Variants in MED28 observed in about 807,000 individuals in gnomAD.
The protein encoded by MED28 is mediator complex subunit 28.
A neutral mutation model predicts 21.3 loss-of-function variants in MED28; 26 were observed. The ratio of observed to expected loss-of-function variants is 1.22; its 90% CI spans 0.89 to 1.69. The LOEUF (loss-of-function observed/expected upper bound fraction) is 1.69, where lower values mean the gene tolerates loss of function less well. Among genes scored for constraint, MED28 ranks in the 40% most tolerant of loss-of-function variants. The pLI is 0.00. For synonymous variants in MED28, 110 were observed against 87.6 expected, an observed-to-expected ratio of 1.26 and a Z score of -1.43; for missense variants, 257 against 215.4, an observed-to-expected ratio of 1.19 and a Z score of -1.21.
In MED28 at chr4:17,623,811, G is replaced by T; in HGVS notation, c.*13G>T. 1 of 1,609,890 alleles carries T rather than the reference G, an allele frequency of 6.2e-7. No individual in the cohort carries two copies. The highest frequency in any genetic ancestry group is 8.5e-7 in the Non-Finnish European group (1 of 1,177,758). ...GAAGCCAACGTGAGCAAAGGGCAGAGGCAGTTGGCCTATGAGTGGGCTGAT... is the reference window on the plus strand; with the variant it reads ...GAAGCCAACGTGAGCAAAGGGCAGATGCAGTTGGCCTATGAGTGGGCTGAT... On this transcript the variant is annotated 3_prime_UTR_variant, in exon 4 of 4. Transcript: ENST00000237380.
In MED28 at chr4:17,632,753, C is replaced by G. The variant is rs1714996040; in HGVS notation, c.*8955C>G. On this transcript the variant is annotated 3_prime_UTR_variant, in exon 4 of 4. Transcript: ENST00000237380. Reference sequence around the variant, plus strand: ...TCAAAAACACCCAAATGGGACTGGCCAACATTAGTAGTGGGAAACAAATTG... The same window carrying G: ...TCAAAAACACCCAAATGGGACTGGCGAACATTAGTAGTGGGAAACAAATTG... The G allele has an allele frequency of 1.6e-6, 1 of 622,254 alleles. No individual in the cohort carries two copies. The highest frequency in any genetic ancestry group is 1.9e-5 in the South Asian group (1 of 51,768). 38.5% of individuals were successfully genotyped at this position (622,254 alleles called of 1,614,324 possible).
rs1266542706 is a variant in MED28, at chr4:17,628,779, C to A, written c.*4981C>A. 1 of 152,200 alleles carries A rather than the reference C, an allele frequency of 6.6e-6. No homozygotes were observed. 9.4% of individuals were successfully genotyped at this position (152,200 alleles called of 1,614,324 possible). ...AACTGGTAGCAAAACCCATCTGGAG[C>A]AGCGTGTGAGGTATGGACACTCACT... On this transcript the variant is annotated 3_prime_UTR_variant, in exon 4 of 4. Coordinates refer to ENST00000237380, the MANE Select transcript of MED28 (RefSeq NM_025205.5).
rs1410845932 is a variant in MED28, at chr4:17,627,590, T to C, written c.*3792T>C. On this transcript the variant is annotated 3_prime_UTR_variant, in exon 4 of 4. Transcript: ENST00000237380. ...AGTTCAATTACAAAAGCTCCTGGCA[T>C]TGGGGACCTGCCGCCATGTTCCTGC... is the stretch of plus-strand genomic sequence containing the variant. The C allele has an allele frequency of 6.6e-6, 1 of 152,258 alleles. No homozygotes were observed. The highest frequency in any genetic ancestry group is 2.4e-5 in the African/African-American group (1 of 41,444). 9.4% of individuals were successfully genotyped at this position (152,258 alleles called of 1,614,324 possible).
At chr4:17,618,788 G>A (rs1381309026) in intron 1 of MED28, among the ~76,000 whole-genome samples, 3 of 152,074 alleles carry the variant, frequency 2.0e-5, no homozygotes, top group African/African-American at 4.8e-5. Context: ...ATCTGCCTGC[G>A]TGGGCCTCCC....
chr4:17,617,372 G>A (rs1714483324), intron 1 of MED28, among the ~76,000 whole-genome samples: 1 of 152,174 alleles, frequency 6.6e-6, no homozygotes, highest in African/African-American at 2.4e-5. Context: ...GTCTCTGTCT[G>A]CTCATTCTAG....
In MED28 at chr4:17,632,388, T is replaced by A; in HGVS notation, c.*8590T>A. Reference sequence around the variant, plus strand: ...CTGTGCCTGGCAGAACAGTATGAAGTGTTAACGCCAAAATTTGTTTTAGCT... The same window carrying A: ...CTGTGCCTGGCAGAACAGTATGAAGAGTTAACGCCAAAATTTGTTTTAGCT... On this transcript the variant is annotated 3_prime_UTR_variant, in exon 4 of 4. Coordinates refer to ENST00000237380, the MANE Select transcript of MED28 (RefSeq NM_025205.5). The A allele has an allele frequency of 1.6e-6, 1 of 619,134 alleles. No individual in the cohort carries two copies. The highest frequency in any genetic ancestry group is 2.7e-6 in the Non-Finnish European group (1 of 364,332). The allele number at this position is 619,134 out of a possible 1,614,324, so 38.4% of individuals were successfully genotyped here. A position where few individuals can be genotyped will look rare whatever the true frequency, so the allele number is the denominator to read the frequency against.
rs1314721506 is a variant in MED28, at chr4:17,626,684, T to A, written c.*2886T>A. On this transcript the variant is annotated 3_prime_UTR_variant, in exon 4 of 4. Coordinates refer to ENST00000237380, the MANE Select transcript of MED28 (RefSeq NM_025205.5). ...CTCACATCTTCAGGACAGCCTTTTT[T>A]TTTTGAGACAGGAGTCTTGCTCTGT... 1 of 152,256 alleles carries A rather than the reference T, an allele frequency of 6.6e-6. No individual in the cohort carries two copies. The highest frequency in any genetic ancestry group is 6.5e-5 in the Admixed American group (1 of 15,272). 9.4% of individuals were successfully genotyped at this position (152,256 alleles called of 1,614,324 possible). A position where few individuals can be genotyped will look rare whatever the true frequency, so the allele number is the denominator to read the frequency against.
chr4:17,623,662 C>T lies in MED28; in HGVS notation c.401C>T (p.Thr134Ile). ...GATGCACTAGTCCAGAAGCACTTGA[C>T]AAAGCTGAGGCATTGGCAGCAGGTG... ...RKDALVQKHL[T>I]KLRHWQQVLE... Residue 134 changes from threonine (T) to isoleucine (I), a missense_variant, in exon 4 of 4, where the codon ACA becomes ATA. Thr to Ile is a moderately conservative substitution (Grantham distance 89). Coordinates refer to ENST00000237380, the MANE Select transcript of MED28 (RefSeq NM_025205.5). 1.2e-6 allele frequency: 2 copies of T among 1,614,220 alleles called. No individual in the cohort carries two copies. The highest frequency in any genetic ancestry group is 1.1e-5 in the South Asian group (1 of 91,084).
intron 3 of MED28, among the ~76,000 whole-genome samples, chr4:17,623,272 G>T (rs1714686101): frequency 6.6e-6 from 1 of 151,804 alleles, no homozygotes; most frequent in Non-Finnish European, 1.5e-5. Context: ...GTGGTGGCGT[G>T]TGCCTGTGAT....
In MED28 at chr4:17,633,450, G is replaced by A. The variant is rs1715024577; in HGVS notation, c.*9652G>A. On this transcript the variant is annotated 3_prime_UTR_variant, in exon 4 of 4. Coordinates refer to ENST00000237380, the MANE Select transcript of MED28 (RefSeq NM_025205.5). ...GGAGAGGTCAAGTGACCTGTCCAAGGCCACAGAGCTAAGAATGAGGAAGAC... is the reference window on the plus strand; with the variant it reads ...GGAGAGGTCAAGTGACCTGTCCAAGACCACAGAGCTAAGAATGAGGAAGAC... 6 of 398,152 alleles carry A rather than the reference G, an allele frequency of 1.5e-5. No homozygotes were observed. In the South Asian group the frequency reaches 3.2e-4, roughly 21 times the overall value. The allele number at this position is 398,152 out of a possible 1,614,324, so 24.7% of individuals were successfully genotyped here.
chr4:17,619,999 G>A (rs1043045273), intron 2 of MED28, 32 bp downstream of exon 2: 1 of 1,593,124 alleles, frequency 6.3e-7, no homozygotes, highest in Admixed American at 1.7e-5. Flanking sequence ...ACAATGTTCT[G>A]GGCTTCAGCA....
At position 17,627,057 on chromosome 4, in the gene MED28, G is replaced by C. The variant is rs957568964; in HGVS notation, c.*3259G>C. On this transcript the variant is annotated 3_prime_UTR_variant, in exon 4 of 4. Transcript: ENST00000237380. ...CGGCTCACTGCAACCTCTGCCTCCC[G>C]GGTTCAAGTAATTTTCCTACGTCAG... is the stretch of plus-strand genomic sequence containing the variant. 6.6e-6 allele frequency: 1 copy of C among 150,578 alleles called. No individual in the cohort carries two copies. Among genetic ancestry groups the C allele is most frequent in the Admixed American group, 6.6e-5 (1 of 15,042 alleles). The allele number at this position is 150,578 out of a possible 1,614,324, so 9.3% of individuals were successfully genotyped here.
At chr4:17,621,155 A>G (rs1560157758) in intron 2 of MED28, among the ~76,000 whole-genome samples, 1 of 151,650 alleles carries the variant, frequency 6.6e-6, no homozygotes, top group Non-Finnish European at 1.5e-5. Flanking sequence ...GCTGGATTAC[A>G]GGCATGTTCC....
rs1029910127 is a variant in MED28, at chr4:17,633,827, G to A, written c.*10029G>A. ...CAGATCGCCACTCAGAAAGTTCTTT[G>A]CATAGGAGGCGAGGTTCGGCACGCT... On this transcript the variant is annotated 3_prime_UTR_variant, in exon 4 of 4. Coordinates refer to ENST00000237380, the MANE Select transcript of MED28 (RefSeq NM_025205.5). 3 of 1,551,424 alleles carry A rather than the reference G, an allele frequency of 1.9e-6. No homozygotes were observed. Among genetic ancestry groups the A allele is most frequent in the African/African-American group, 2.7e-5 (2 of 73,032 alleles).
chr4:17,616,871 G>C (rs533761680), intron 1 of MED28, among the ~76,000 whole-genome samples: 45 of 152,306 alleles, frequency 3.0e-4, no homozygotes, highest in Admixed American at 5.2e-4. Context: ...CTTGTGCACA[G>C]AACTCCTTGC....
At position 17,628,314 on chromosome 4, in the gene MED28, GTA is replaced by G. The variant is rs1351037468; in HGVS notation, c.*4518_*4519del. 10 of 150,260 alleles carry G rather than the reference GTA, an allele frequency of 6.7e-5. No individual in the cohort carries two copies. The highest frequency in any genetic ancestry group is 2.0e-4 in the East Asian group (1 of 5,078). The allele number at this position is 150,260 out of a possible 1,614,324, so 9.3% of individuals were successfully genotyped here. The stretch of plus-strand genomic sequence containing the variant: ...TGTATGTGTATATGCGTATATATGT[GTA>G]TGTATGTGTGTATATATATATGTGT... On this transcript the variant is annotated 3_prime_UTR_variant, in exon 4 of 4. Coordinates refer to ENST00000237380, the MANE Select transcript of MED28 (RefSeq NM_025205.5).
intron 1 of MED28, among the ~76,000 whole-genome samples, chr4:17,615,081 C>A (rs1248916767): frequency 1.3e-5 from 2 of 152,210 alleles, no homozygotes; most frequent in South Asian, 2.1e-4. Context: ...GATTCCCAGC[C>A]GGTCCTTAGT....
rs1577233669 is a variant in MED28, at chr4:17,624,090, GT to G, written c.*296del. 3 of 377,904 alleles carry G rather than the reference GT, an allele frequency of 7.9e-6. No homozygotes were observed. The highest frequency in any genetic ancestry group is 6.1e-5 in the African/African-American group (3 of 49,016). The allele number at this position is 377,904 out of a possible 1,614,324, so 23.4% of individuals were successfully genotyped here. A position where few individuals can be genotyped will look rare whatever the true frequency, so the allele number is the denominator to read the frequency against. ...ATTCTTTTTTATGGTGGCTTTGCTT[GT>G]TTTAAATTTTTGCATGACTTTTCAT... is the stretch of plus-strand genomic sequence containing the variant. On this transcript the variant is annotated 3_prime_UTR_variant, in exon 4 of 4. Transcript: ENST00000237380.
Position 17,632,701 on chromosome 4 carries a change from A to C in MED28, c.*8903A>C. ...GCAGCTTAATACCCACCATCTTTTCAGGGAAAGATAACTGCTTGTTTACTC... is the reference window on the plus strand; with the variant it reads ...GCAGCTTAATACCCACCATCTTTTCCGGGAAAGATAACTGCTTGTTTACTC... On this transcript the variant is annotated 3_prime_UTR_variant, in exon 4 of 4. Coordinates refer to ENST00000237380, the MANE Select transcript of MED28 (RefSeq NM_025205.5). 1 of 969,510 alleles carries C rather than the reference A, an allele frequency of 1.0e-6. No homozygotes were observed. The highest frequency in any genetic ancestry group is 1.6e-6 in the Non-Finnish European group (1 of 637,918). The allele number at this position is 969,510 out of a possible 1,614,324, so 60.1% of individuals were successfully genotyped here. A position where few individuals can be genotyped will look rare whatever the true frequency, so the allele number is the denominator to read the frequency against.
Sources: gnomAD v4.1 joint callset for allele counts (sites outside exome capture counted in the v4.1 genomes callset) on GRCh38, gnomAD v4.1.1 for gene constraint, MANE v1.5 for transcripts, NCBI Gene and HGNC (gene_info 2026-07-23, HGNC 2026-07-21) for gene names.